Variants in FBXL13 observed in about 807,000 individuals in gnomAD.
The protein encoded by FBXL13 is F-box and leucine rich repeat protein 13.
FBXL13 carries 67 observed loss-of-function variants against 83.6 expected under a neutral mutation model. That is an observed-to-expected ratio of 0.80 (90% CI 0.66 to 0.98). The LOEUF is 0.98. Ranked by LOEUF, FBXL13 falls within the 50% of genes least tolerant of loss-of-function variation. The pLI, the probability that FBXL13 is intolerant of heterozygous loss-of-function variation, is 0.00. For missense variants in FBXL13, 822 were observed against 866.5 expected, an observed-to-expected ratio of 0.95 and a Z score of 0.64; for synonymous variants, 272 against 299.5, an observed-to-expected ratio of 0.91 and a Z score of 0.95.
chr7:102,967,210 G>A (rs1298313237), intron 7 of FBXL13, among the ~76,000 whole-genome samples: 2 of 151,810 alleles, frequency 1.3e-5, no homozygotes, highest in Non-Finnish European at 1.5e-5. Context: ...TGCCTGCCTC[G>A]GCCTCCCAGA....
At chr7:102,960,438 T>C (rs1825000068) in intron 8 of FBXL13, among the ~76,000 whole-genome samples, 2 of 151,664 alleles carry the variant, frequency 1.3e-5, no homozygotes, top group Non-Finnish European at 2.9e-5. Context: ...CTTCTGAAAC[T>C]ATTCCAATCA....
chr7:102,955,463 C>T (rs1269669090), intron 8 of FBXL13, among the ~76,000 whole-genome samples: 2 of 151,926 alleles, frequency 1.3e-5, no homozygotes, highest in East Asian at 3.9e-4. Context: ...GACACCCTAA[C>T]ATCACAATTA....
At chr7:103,057,912 C>G (rs6977986) in intron 1 of FBXL13, among the ~76,000 whole-genome samples, 4 of 151,944 alleles carry the variant, frequency 2.6e-5, no homozygotes, top group Admixed American at 2.6e-4. Context: ...TGGGGGTGGT[C>G]GGGATGCTTC....
chr7:102,959,886 T>C (rs1031844955), intron 8 of FBXL13, among the ~76,000 whole-genome samples: 1 of 152,108 alleles, frequency 6.6e-6, no homozygotes, highest in African/African-American at 2.4e-5. Flanking sequence ...TAAAAATAAT[T>C]TAGTGGATCT....
At chr7:102,884,370 G>A in intron 11 of FBXL13, 58 bp from the exon 13 acceptor site, 4 of 1,296,772 alleles carry the variant, frequency 3.1e-6, no homozygotes, top group East Asian at 2.3e-5. Flanking sequence ...AAAAATCCAA[G>A]GGAGTAATAA....
In FBXL13 at chr7:102,845,316, G is replaced by A. The variant is rs78752627; in HGVS notation, c.1719+9461C>T. ...TTAGGAGTTCTGCATCAGGAACCAT[G>A]GTCAAAGACCAAATATTAGAACAAA... On this transcript the variant is annotated intron_variant, in intron 17 of 19. Transcript: ENST00000313221. Among the ~76,000 whole-genome samples, 18 of 152,174 alleles carry A rather than the reference G, an allele frequency of 1.2e-4. No individual in the cohort carries two copies. In the East Asian group the frequency reaches 3.5e-3, roughly 29 times the overall value.
intron 16 of FBXL13, among the ~76,000 whole-genome samples, chr7:102,868,120 A>G (rs1808016482): frequency 6.6e-6 from 1 of 152,228 alleles, no homozygotes. Flanking sequence ...AGTAATTAGC[A>G]TATCTATCAC....
chr7:103,021,549 C>A (rs1793174425), intron 6 of FBXL13, among the ~76,000 whole-genome samples: 1 of 152,084 alleles, frequency 6.6e-6, no homozygotes, highest in South Asian at 2.1e-4. Context: ...AACAGGCAAC[C>A]TACAGAATGG....
At chr7:102,848,472 C>T (rs1358560316) in intron 17 of FBXL13, among the ~76,000 whole-genome samples, 1 of 80,800 alleles carries the variant, frequency 1.2e-5, no homozygotes, top group Admixed American at 1.3e-4. Context: ...AGGAGAATGG[C>T]GTGAACCCAA....
chr7:103,005,247 A>G (rs1240899052), intron 6 of FBXL13, among the ~76,000 whole-genome samples: 5 of 152,230 alleles, frequency 3.3e-5, no homozygotes, highest in African/African-American at 1.2e-4. Flanking sequence ...TCTTGAGAAC[A>G]GAAAAGGAAG....
chr7:103,014,167 C>T (rs1291474655), intron 6 of FBXL13, among the ~76,000 whole-genome samples: 1 of 152,058 alleles, frequency 6.6e-6, no homozygotes, highest in Non-Finnish European at 1.5e-5. Flanking sequence ...TATAAAAAGG[C>T]CAGGCATAGT....
intron 18 of FBXL13, among the ~76,000 whole-genome samples, chr7:102,829,883 C>T (rs1800354831): frequency 1.3e-5 from 2 of 152,148 alleles, no homozygotes; most frequent in Admixed American, 6.5e-5. Context: ...GGACCACAGC[C>T]TTATGAATTC....
At chr7:102,930,856 T>C (rs1258636208) in intron 9 of FBXL13, among the ~76,000 whole-genome samples, 6 of 152,372 alleles carry the variant, frequency 3.9e-5, no homozygotes, top group East Asian at 3.8e-4. Context: ...ATGTTGTCCA[T>C]TGCCTACTTG....
intron 19 of FBXL13, among the ~76,000 whole-genome samples, chr7:102,814,743 C>T (rs184298330): frequency 1.7e-3 from 258 of 152,314 alleles, no homozygotes; most frequent in African/African-American, 6.0e-3. Flanking sequence ...TTATTCTCTT[C>T]AGAGAAATAT....
At chr7:102,896,020 A>G (rs1584822858) in intron 11 of FBXL13, among the ~76,000 whole-genome samples, 1 of 152,242 alleles carries the variant, frequency 6.6e-6, no homozygotes, top group South Asian at 2.1e-4. Flanking sequence ...AGACAGGGGA[A>G]CAGCCAGTGT....
At chr7:103,023,753 T>A (rs893985308) in intron 6 of FBXL13, among the ~76,000 whole-genome samples, 5 of 152,162 alleles carry the variant, frequency 3.3e-5, no homozygotes, top group Non-Finnish European at 7.4e-5. Flanking sequence ...CTGGATTTTT[T>A]AAAATGTGGT....
chr7:102,969,326 T>C (rs1826328517), intron 6 of FBXL13, among the ~76,000 whole-genome samples: 1 of 152,204 alleles, frequency 6.6e-6, no homozygotes, highest in Non-Finnish European at 1.5e-5. Context: ...CTAGGAGTAA[T>C]AGGCTATACC....
chr7:102,964,310 C>CAA lies in FBXL13; in HGVS notation c.592-647_592-646dup, dbSNP rs142441296. 1.6e-3 allele frequency among the ~76,000 whole-genome samples: 221 copies of CAA among 142,032 alleles called. 1 individual carries two copies. The highest frequency in any genetic ancestry group is 4.7e-3 in the African/African-American group (174 of 37,346). The allele number at this position is 142,032 out of a possible 152,430, so 93.2% of individuals were successfully genotyped here. ...TAGGTGACAGAGCAAAACTCCAACTCAAAAAAAAAATAAATAAATAGATAG... is the reference window on the plus strand; with the variant it reads ...TAGGTGACAGAGCAAAACTCCAACTCAAAAAAAAAAAATAAATAAATAGATAG... On this transcript the variant is annotated intron_variant, in intron 7 of 19. Transcript: ENST00000313221.
At chr7:102,900,045 T>G (rs2129464588) in intron 11 of FBXL13, among the ~76,000 whole-genome samples, 1 of 152,214 alleles carries the variant, frequency 6.6e-6, no homozygotes, top group East Asian at 1.9e-4. Context: ...AGACTCCATC[T>G]CAAAAAAATA....
Sources: allele counts gnomAD v4.1 joint callset (sites outside exome capture counted in the v4.1 genomes callset), GRCh38; gene constraint gnomAD v4.1.1; transcripts MANE v1.5; gene names NCBI Gene and HGNC (gene_info 2026-07-23, HGNC 2026-07-21).